Variants in WDR33 observed in about 807,000 individuals in gnomAD.
WDR33 encodes the protein pre-mRNA 3' end processing protein WDR33.
Under a neutral mutation model 164.9 loss-of-function variants are expected in WDR33, and 47 were observed. The ratio of observed to expected loss-of-function variants is 0.29; its 90% CI spans 0.23 to 0.36. WDR33 has a LOEUF of 0.36. Ranked by LOEUF, WDR33 falls within the 10% of genes least tolerant of loss-of-function variation. WDR33 has a pLI of 1.00. For missense variants in WDR33, 1,137 were observed against 1,754.1 expected (o/e 0.65, Z 6.28); for synonymous variants, 505 against 589.0 (o/e 0.86, Z 2.06).
intron 1 of WDR33, among the ~76,000 whole-genome samples, chr2:127,807,927 T>A (rs1689497108): frequency 6.6e-6 from 1 of 152,206 alleles, no homozygotes; most frequent in Non-Finnish European, 1.5e-5. Context: ...ATCATGCCAC[T>A]GTATTCCAGC....
At chr2:127,744,372 A>C (rs993316590) in intron 7 of WDR33, among the ~76,000 whole-genome samples, 16 of 152,208 alleles carry the variant, frequency 1.1e-4, no homozygotes, top group Non-Finnish European at 1.6e-4. Flanking sequence ...AGGAATAGTT[A>C]AATAAATTAC....
Position 127,738,041 on chromosome 2 carries a change from A to AT in WDR33, c.725-11265dup. On this transcript the variant is annotated intron_variant, in intron 7 of 21. Transcript: ENST00000322313. The surrounding 1 kb of genome is among the most constrained non-coding windows in gnomAD (Gnocchi z 4.4). ...CAGAAAGGAAGTAACAACGGCAGTG[A>AT]TGAAAACATGTATCTATCAAAACAA... 6.2e-7 allele frequency: 1 copy of AT among 1,613,100 alleles called. No homozygotes were observed. The highest frequency in any genetic ancestry group is 8.5e-7 in the Non-Finnish European group (1 of 1,179,554).
At chr2:127,788,200 ACCC>A (rs1268224081) in intron 1 of WDR33, among the ~76,000 whole-genome samples, 1 of 92,982 alleles carries the variant, frequency 1.1e-5, no homozygotes, top group African/African-American at 4.4e-5. Flanking sequence ...CGGAGGGCTG[ACCC>A]CCCCACCTCC....
At chr2:127,809,428 CTTTTTTTTTT>C (rs70985478) in intron 1 of WDR33, among the ~76,000 whole-genome samples, 2 of 94,618 alleles carry the variant, frequency 2.1e-5, no homozygotes, top group Non-Finnish European at 3.8e-5. Flanking sequence ...AGCCAAATTC[CTTTTTTTTTT>C]TTTTTTTTTT....
chr2:127,701,839 G>C lies in WDR33; in HGVS notation c.*4484C>G. 2 of 1,458,722 alleles carry C rather than the reference G, an allele frequency of 1.4e-6. No individual in the cohort carries two copies. 90.4% of individuals were successfully genotyped at this position (1,458,722 alleles called of 1,614,324 possible). On this transcript the variant is annotated 3_prime_UTR_variant, in exon 22 of 22. Coordinates refer to ENST00000322313, the MANE Select transcript of WDR33 (RefSeq NM_018383.5). The stretch of plus-strand genomic sequence containing the variant: ...CTCTACGCACCGGTGTTGCTGCTGC[G>C]CGCGCGCAAGTTCGCGCTGCTCTGG...
intron 7 of WDR33, among the ~76,000 whole-genome samples, chr2:127,732,622 G>A (rs916763554): frequency 2.0e-5 from 3 of 152,138 alleles, no homozygotes; most frequent in Non-Finnish European, 4.4e-5. Flanking sequence ...TCAAGTGAAT[G>A]GCTGATATCA....
At chr2:127,745,008 G>A (rs902252596) in intron 7 of WDR33, among the ~76,000 whole-genome samples, 1 of 152,062 alleles carries the variant, frequency 6.6e-6, no homozygotes, top group East Asian at 1.9e-4. Flanking sequence ...GCCAGGTTGC[G>A]AGATCCCCAT....
At chr2:127,750,705 T>TGCATAC (rs1558936958) in intron 7 of WDR33, among the ~76,000 whole-genome samples, 4 of 58,090 alleles carry the variant, frequency 6.9e-5, no homozygotes, top group African/African-American at 4.1e-4. Flanking sequence ...TATATATATA[T>TGCATAC]ATATATATGT....
In WDR33 at chr2:127,704,060, G is replaced by A. The variant is rs1035513666; in HGVS notation, c.*2263C>T. The stretch of plus-strand genomic sequence containing the variant: ...GATCACTTGAGCCCAGGAGGTTGAG[G>A]CTGCAGTGAACTGTGATCACACCAC... On this transcript the variant is annotated 3_prime_UTR_variant, in exon 22 of 22. Coordinates refer to ENST00000322313, the MANE Select transcript of WDR33 (RefSeq NM_018383.5). 1 of 166,170 alleles carries A rather than the reference G, an allele frequency of 6.0e-6. No individual in the cohort carries two copies. Among genetic ancestry groups the A allele is most frequent in the African/African-American group, 2.4e-5 (1 of 41,356 alleles). 10.3% of individuals were successfully genotyped at this position (166,170 alleles called of 1,614,324 possible). A position where few individuals can be genotyped will look rare whatever the true frequency, so the allele number is the denominator to read the frequency against.
At position 127,701,870 on chromosome 2, in the gene WDR33, G is replaced by C; in HGVS notation, c.*4453C>G. The C allele has an allele frequency of 6.8e-7, 1 of 1,460,390 alleles. No homozygotes were observed. The allele number at this position is 1,460,390 out of a possible 1,614,324, so 90.5% of individuals were successfully genotyped here. A position where few individuals can be genotyped will look rare whatever the true frequency, so the allele number is the denominator to read the frequency against. On this transcript the variant is annotated 3_prime_UTR_variant, in exon 22 of 22. Coordinates refer to ENST00000322313, the MANE Select transcript of WDR33 (RefSeq NM_018383.5). ...GCAAGTTCGCGCTGCTCTGGTCACT[G>C]GGCTCGGCGCTGGCGTTGGCGGGAA... is the stretch of plus-strand genomic sequence containing the variant.
chr2:127,711,269 A>G (rs1686153413), intron 18 of WDR33, among the ~76,000 whole-genome samples: 1 of 152,086 alleles, frequency 6.6e-6, no homozygotes, highest in Admixed American at 6.5e-5. Context: ...TACTAAAAAT[A>G]CAAAAATTAG....
chr2:127,794,545 G>A (rs770719183), intron 1 of WDR33, among the ~76,000 whole-genome samples: 1 of 145,534 alleles, frequency 6.9e-6, no homozygotes, highest in South Asian at 2.2e-4. Flanking sequence ...AAGACAAGAC[G>A]AAAGAGGTCA....
intron 1 of WDR33, among the ~76,000 whole-genome samples, chr2:127,786,863 T>C (rs1352554800): frequency 4.9e-5 from 6 of 122,772 alleles, no homozygotes; most frequent in African/African-American, 1.9e-4. Context: ...TTTTTTTTTT[T>C]AATTTATTTT....
Position 127,712,274 on chromosome 2 carries a change from G to A in WDR33, c.3308+1309C>T, listed in dbSNP as rs944069916. 1.3e-5 allele frequency among the ~76,000 whole-genome samples: 2 copies of A among 152,068 alleles called. No individual in the cohort carries two copies. The highest frequency in any genetic ancestry group is 3.9e-4 in the East Asian group (2 of 5,140). The stretch of plus-strand genomic sequence containing the variant: ...TAGCCAGGCAAGGTGGTGTGAGCCT[G>A]TATCCCAGCTCCTCAAGAGGCTGAG... On this transcript the variant is annotated intron_variant, in intron 18 of 21. Coordinates refer to ENST00000322313, the MANE Select transcript of WDR33 (RefSeq NM_018383.5). This position sits in a 1 kb window ranked among gnomAD's most constrained non-coding sequence, Gnocchi z 4.0.
At chr2:127,810,678 A>G (rs1039970522) in intron 1 of WDR33, 1 of 151,592 alleles carries the variant, frequency 6.6e-6, no homozygotes, top group Non-Finnish European at 1.5e-5. Flanking sequence ...ACTTCTTTCC[A>G]CTCCCGCCCC....
chr2:127,804,439 T>C (rs943128814), intron 1 of WDR33, among the ~76,000 whole-genome samples: 1 of 152,216 alleles, frequency 6.6e-6, no homozygotes, highest in African/African-American at 2.4e-5. Flanking sequence ...ATATAAATGT[T>C]CAATGTCCAG....
At chr2:127,800,700 A>C (rs991538609) in intron 1 of WDR33, among the ~76,000 whole-genome samples, 1 of 151,904 alleles carries the variant, frequency 6.6e-6, no homozygotes, top group African/African-American at 2.4e-5. Context: ...TTGCAGAGGG[A>C]AAAAAATAAT....
chr2:127,722,977 A>G lies in WDR33; in HGVS notation c.1359T>C (p.Ala453=), dbSNP rs778017957. The part of the protein sequence containing the change: ...GMGIPEQLKL[A]MEQEQMGKDE... ...TCTTACCCATCTGTTCTTGTTCCAT[A>G]GCTAATTTTAGTTGTTCTGGTATTC... The change falls in exon 13 of 22, where the codon GCT becomes GCC. Residue 453 remains alanine (A), a synonymous_variant. Transcript: ENST00000322313. The surrounding 1 kb of genome is among the most constrained non-coding windows in gnomAD (Gnocchi z 5.1). The G allele has an allele frequency of 1.2e-6, 2 of 1,610,892 alleles. No homozygotes were observed. The highest frequency in any genetic ancestry group is 4.5e-5 in the East Asian group (2 of 44,740).
chr2:127,769,898 G>T (rs1367364976), intron 2 of WDR33, among the ~76,000 whole-genome samples: 1 of 152,118 alleles, frequency 6.6e-6, no homozygotes, highest in Admixed American at 6.6e-5. Flanking sequence ...AGTAAATAAA[G>T]AACTCTAACG....
Sources: gnomAD v4.1 joint callset for allele counts (sites outside exome capture counted in the v4.1 genomes callset) on GRCh38, gnomAD v4.1.1 for gene constraint, Gnocchi (gnomAD v3.1) non-coding constraint, MANE v1.5 for transcripts, NCBI Gene and HGNC (gene_info 2026-07-23, HGNC 2026-07-21) for gene names.